The following DAB1 variants were observed in gnomAD, a reference collection of about 807,000 sequenced individuals.
DAB1 encodes DAB adaptor protein 1, also known as disabled homolog 1.
Under a neutral mutation model 64.6 loss-of-function variants are expected in DAB1, and 15 were observed. That is an observed-to-expected ratio of 0.23 (90% CI 0.16 to 0.36). DAB1 has a LOEUF of 0.36. DAB1 is among the 10% of genes least tolerant of loss of function. The probability of loss-of-function intolerance (pLI) is 1.00; values close to 1 mark genes in which losing one functional copy is unlikely to be tolerated. For synonymous variants in DAB1, 235 were observed against 251.9 expected (o/e 0.93, Z 0.64); for missense variants, 596 against 706.7 (o/e 0.84, Z 1.78).
At chr1:58,261,897 C>T (rs1661056562) in intron 4 of DAB1, among the ~76,000 whole-genome samples, 1 of 152,028 alleles carries the variant, frequency 6.6e-6, no homozygotes, top group South Asian at 2.1e-4. Context: ...CCTCAGATAC[C>T]CCCAGGTAGA....
intron 4 of DAB1, among the ~76,000 whole-genome samples, chr1:58,336,087 C>T (rs114958553): frequency 1.5e-4 from 23 of 152,222 alleles, no homozygotes; most frequent in African/African-American, 5.5e-4. Flanking sequence ...CAAGGTTCAC[C>T]CCATTTGTCT....
Position 57,833,698 on chromosome 1 carries a change from C to T in DAB1, n.88-7243G>A, listed in dbSNP as rs1652688670. ...AAAAGTAGAAACAGCAATATTTTCTCATGAGGAGAGCTGAATATTTTCAAA... is the reference window on the plus strand; with the variant it reads ...AAAAGTAGAAACAGCAATATTTTCTTATGAGGAGAGCTGAATATTTTCAAA... On this transcript the variant is annotated intron_variant and non_coding_transcript_variant, in intron 1 of 1. Coordinates refer to the DAB1 transcript ENST00000477280. Among the ~76,000 whole-genome samples the T allele has an allele frequency of 2.0e-5, 3 of 152,196 alleles. No individual in the cohort carries two copies. The South Asian group carries it at 6.2e-4, about 32-fold the overall frequency.
intron 7 of DAB1, among the ~76,000 whole-genome samples, chr1:57,544,912 CCTCTTTCATTTATA>C (rs1644840131): frequency 6.6e-6 from 1 of 152,216 alleles, no homozygotes; most frequent in African/African-American, 2.4e-5. Context: ...GTCAATTAAA[CCTCTTTCATTTATA>C]AATTACCCAG....
chr1:57,832,651 G>A (rs972688327), intron 1 of DAB1, among the ~76,000 whole-genome samples: 3 of 152,228 alleles, frequency 2.0e-5, no homozygotes, highest in African/African-American at 4.8e-5. Context: ...ATTGCAGCTT[G>A]CCTACTGAAA....
chr1:57,799,278 TG>T (rs1164470179), intron 6 of DAB1, among the ~76,000 whole-genome samples: 1 of 152,198 alleles, frequency 6.6e-6, no homozygotes, highest in African/African-American at 2.4e-5. Context: ...CAGCTGTGAA[TG>T]GGCTCCTTTG....
At chr1:57,022,544 C>T (rs531460978) in intron 11 of DAB1, among the ~76,000 whole-genome samples, 4 of 152,088 alleles carry the variant, frequency 2.6e-5, no homozygotes, top group African/African-American at 9.7e-5. Flanking sequence ...GAGTAATAAC[C>T]GTAACTATTT....
At chr1:57,565,510 T>C (rs1349967379) in intron 7 of DAB1, among the ~76,000 whole-genome samples, 1 of 152,130 alleles carries the variant, frequency 6.6e-6, no homozygotes, top group Non-Finnish European at 1.5e-5. Context: ...CCCATCAGTG[T>C]GTTGTATTCT....
At chr1:58,134,961 G>T (rs1653859757) in intron 5 of DAB1, among the ~76,000 whole-genome samples, 1 of 152,162 alleles carries the variant, frequency 6.6e-6, no homozygotes, top group Non-Finnish European at 1.5e-5. Context: ...GTCTGTAAAG[G>T]TAGACTAAGA....
chr1:57,481,134 G>A (rs1385899204), intron 7 of DAB1, among the ~76,000 whole-genome samples: 1 of 152,124 alleles, frequency 6.6e-6, no homozygotes, highest in Non-Finnish European at 1.5e-5. Context: ...ATTTAGAAAG[G>A]TTAAAGAAAG....
At chr1:57,927,983 T>C (rs927876412) in intron 5 of DAB1, among the ~76,000 whole-genome samples, 6 of 152,312 alleles carry the variant, frequency 3.9e-5, no homozygotes, top group Middle Eastern at 3.4e-3. Flanking sequence ...CATTTTAAAT[T>C]GAATGCAGAC....
intron 1 of DAB1, among the ~76,000 whole-genome samples, chr1:57,394,473 A>G (rs1682644401): frequency 6.6e-6 from 1 of 152,250 alleles, no homozygotes; most frequent in African/African-American, 2.4e-5. Context: ...CTTCAAGTTT[A>G]TCCTTTCCTT....
rs538951495 is a variant in DAB1 at position 58,051,819 on chromosome 1, T to C, written n.387+98692A>G. Among the ~76,000 whole-genome samples the C allele has an allele frequency of 2.4e-3, 363 of 152,356 alleles. 3 individuals are homozygous for C. The highest frequency in any genetic ancestry group is 0.02 in the Middle Eastern group (6 of 294). On this transcript the variant is annotated intron_variant and non_coding_transcript_variant, in intron 5 of 20. Transcript: ENST00000485760. ...ACCAGTGACGATGAGCATTATTTCA[T>C]GTGTTTGTTGTCTGCATAAATGTCT...
intron 2 of DAB1, among the ~76,000 whole-genome samples, chr1:57,155,061 A>G (rs79970597): frequency 0.069 from 10,529 of 152,180 alleles, 510 homozygotes; most frequent in Non-Finnish European, 0.11. Flanking sequence ...TTTTGCTTTC[A>G]TTGCCTGTGC....
At chr1:57,152,730 C>A (rs113197127) in intron 2 of DAB1, among the ~76,000 whole-genome samples, 78 of 152,208 alleles carry the variant, frequency 5.1e-4, no homozygotes, top group African/African-American at 1.9e-3. Context: ...ATATTTATAA[C>A]TAATTTATTT....
chr1:57,704,756 A>G (rs1374763268), intron 6 of DAB1, among the ~76,000 whole-genome samples: 1 of 152,200 alleles, frequency 6.6e-6, no homozygotes, highest in African/African-American at 2.4e-5. Flanking sequence ...ATCTGAGAAG[A>G]CAATTCTAAT....
At chr1:57,599,506 C>T (rs1241872140) in intron 7 of DAB1, among the ~76,000 whole-genome samples, 1 of 151,942 alleles carries the variant, frequency 6.6e-6, no homozygotes, top group African/African-American at 2.4e-5. Flanking sequence ...GGGACCAAAT[C>T]GACTCTGTCA....
At chr1:57,117,577 T>G (rs1385827767) in intron 4 of DAB1, among the ~76,000 whole-genome samples, 4 of 152,234 alleles carry the variant, frequency 2.6e-5, no homozygotes, top group African/African-American at 9.6e-5. Context: ...AAGGCATTTC[T>G]AACATTCATA....
At chr1:57,523,084 T>C (rs1644548729) in intron 7 of DAB1, among the ~76,000 whole-genome samples, 1 of 152,202 alleles carries the variant, frequency 6.6e-6, no homozygotes, top group Non-Finnish European at 1.5e-5. Flanking sequence ...CTTCACCTTG[T>C]GATCATGTGA....
chr1:58,246,181 T>C (rs1331601767), intron 4 of DAB1, among the ~76,000 whole-genome samples: 1 of 152,230 alleles, frequency 6.6e-6, no homozygotes, highest in Non-Finnish European at 1.5e-5. Flanking sequence ...AAGATGTTAA[T>C]CATCCTTTAG....
Sources: gnomAD v4.1 joint callset for allele counts (sites outside exome capture counted in the v4.1 genomes callset) on GRCh38, gnomAD v4.1.1 for gene constraint, MANE v1.5 for transcripts, NCBI Gene and HGNC (gene_info 2026-07-23, HGNC 2026-07-21) for gene names.